RNF220: variants seen among roughly 807,000 people sequenced by gnomAD.
RNF220 encodes E3 ubiquitin-protein ligase RNF220.
Under a neutral mutation model 67.1 loss-of-function variants are expected in RNF220, and 7 were observed. The observed-to-expected ratio is 0.10, with a 90% CI of 0.06 to 0.20. RNF220 has a LOEUF of 0.20. RNF220 is among the 10% of genes least tolerant of loss of function. The probability of loss-of-function intolerance (pLI) is 1.00; values close to 1 mark genes in which losing one functional copy is unlikely to be tolerated. For synonymous variants in RNF220, 270 were observed against 283.2 expected (o/e 0.95, Z 0.47); for missense variants, 565 against 740.3 (o/e 0.76, Z 2.75).
chr1:44,574,553 A>C (rs1339649912), intron 2 of RNF220, among the ~76,000 whole-genome samples: 1 of 152,184 alleles, frequency 6.6e-6, no homozygotes, highest in Non-Finnish European at 1.5e-5. Context: ...CAGACAGTTC[A>C]CCAGCCCCAA....
intron 2 of RNF220, among the ~76,000 whole-genome samples, chr1:44,529,330 G>A (rs1313933746): frequency 6.6e-6 from 1 of 150,968 alleles, no homozygotes; most frequent in East Asian, 1.9e-4. Flanking sequence ...AACTATGCAT[G>A]GGAAAAAAAA....
intron 2 of RNF220, among the ~76,000 whole-genome samples, chr1:44,605,391 C>G (rs1480436381): frequency 6.6e-6 from 1 of 152,010 alleles, no homozygotes; most frequent in Non-Finnish European, 1.5e-5. Flanking sequence ...AGAGAAAAAC[C>G]CCATGGCATC....
intron 2 of RNF220, among the ~76,000 whole-genome samples, chr1:44,513,314 G>A (rs796540422): frequency 6.6e-6 from 1 of 152,210 alleles, no homozygotes; most frequent in South Asian, 2.1e-4. Flanking sequence ...GGGGTCCCGA[G>A]CCTGGCCCAT....
rs919089177 is a variant in RNF220 at position 44,645,759 on chromosome 1, C to A, written c.1445+271C>A. ...CCTGCCCGCCTGCTGCGGCGGCCTT[C>A]GCCCGGGGAATGTGATGTATGGCCG... On this transcript the variant is annotated intron_variant, in intron 12 of 14. Coordinates refer to ENST00000361799, the MANE Select transcript of RNF220 (RefSeq NM_018150.4). This position sits in a 1 kb window ranked among gnomAD's most constrained non-coding sequence, Gnocchi z 5.0. Among the ~76,000 whole-genome samples the A allele has an allele frequency of 6.6e-6, 1 of 152,252 alleles. No homozygotes were observed. The highest frequency in any genetic ancestry group is 2.1e-4 in the South Asian group (1 of 4,828).
At chr1:44,558,285 A>G (rs1663277788) in intron 2 of RNF220, among the ~76,000 whole-genome samples, 1 of 152,232 alleles carries the variant, frequency 6.6e-6, no homozygotes, top group Non-Finnish European at 1.5e-5. Context: ...AATAACATCT[A>G]TGGCCCAGCC....
intron 2 of RNF220, among the ~76,000 whole-genome samples, chr1:44,433,600 G>T (rs945761106): frequency 2.0e-5 from 3 of 152,208 alleles, no homozygotes; most frequent in African/African-American, 7.2e-5. Context: ...GAACTGCAGG[G>T]TGTAATATTT....
In RNF220 at chr1:44,424,237, G is replaced by A. The variant is rs531768829; in HGVS notation, c.625+11515G>A. ...TCAAGAGAGAGAGAGAGTCATCCCT[G>A]AGGCTGGCTTTCCCAGAATGTGATC... On this transcript the variant is annotated intron_variant, in intron 2 of 14. Transcript: ENST00000361799. 1.3e-4 allele frequency among the ~76,000 whole-genome samples: 20 copies of A among 152,340 alleles called. No individual in the cohort carries two copies. In the South Asian group the frequency reaches 4.1e-3, roughly 32 times the overall value.
chr1:44,448,298 A>G (rs1341254357), intron 2 of RNF220, among the ~76,000 whole-genome samples: 1 of 152,230 alleles, frequency 6.6e-6, no homozygotes, highest in Non-Finnish European at 1.5e-5. Flanking sequence ...GTCTCAAAAA[A>G]TAAATAAGTA....
At chr1:44,439,647 A>AT (rs147309938) in intron 2 of RNF220, among the ~76,000 whole-genome samples, 299 of 150,350 alleles carry the variant, frequency 2.0e-3, no homozygotes, top group African/African-American at 7.0e-3. Flanking sequence ...GCATTTTATC[A>AT]TTTTTTTTTC....
intron 12 of RNF220, among the ~76,000 whole-genome samples, chr1:44,646,265 C>T (rs1364026101): frequency 2.0e-5 from 3 of 152,366 alleles, no homozygotes; most frequent in Middle Eastern, 3.4e-3. Context: ...GATTGGAGGC[C>T]GGTGCAGGGC....
At chr1:44,452,139 G>A (rs1049859572) in intron 2 of RNF220, among the ~76,000 whole-genome samples, 1 of 152,200 alleles carries the variant, frequency 6.6e-6, no homozygotes, top group Admixed American at 6.5e-5. Flanking sequence ...TAAAATGCCA[G>A]GCTGTACATG....
At chr1:44,561,779 T>C (rs1025811955) in intron 2 of RNF220, among the ~76,000 whole-genome samples, 2 of 152,100 alleles carry the variant, frequency 1.3e-5, no homozygotes, top group Non-Finnish European at 2.9e-5. Flanking sequence ...TAACTGGGCA[T>C]GGTGGTGCAC....
In RNF220 at chr1:44,538,918, G is replaced by GA. The variant is rs35240810; in HGVS notation, c.626-75227dup. Among the ~76,000 whole-genome samples the GA allele has an allele frequency of 4.6e-3, 361 of 77,810 alleles. 2 individuals are homozygous for GA. Among genetic ancestry groups the GA allele is most frequent in the African/African-American group, 7.9e-3 (156 of 19,820 alleles). The allele number at this position is 77,810 out of a possible 152,430, so 51.0% of individuals were successfully genotyped here. A position where few individuals can be genotyped will look rare whatever the true frequency, so the allele number is the denominator to read the frequency against. On this transcript the variant is annotated intron_variant, in intron 2 of 14. Transcript: ENST00000361799. The stretch of plus-strand genomic sequence containing the variant: ...GCGACAGAGTGAGACTCCATCTAGG[G>GA]AAAAAAAAAAAAAAAAAAAAGGCTG...
At chr1:44,489,181 C>T (rs1163828224) in intron 2 of RNF220, among the ~76,000 whole-genome samples, 1 of 152,156 alleles carries the variant, frequency 6.6e-6, no homozygotes, top group African/African-American at 2.4e-5. Flanking sequence ...AACACATGAA[C>T]ATGGCATGTT....
intron 2 of RNF220, among the ~76,000 whole-genome samples, chr1:44,548,104 C>G (rs1454714999): frequency 2.6e-5 from 4 of 152,184 alleles, no homozygotes; most frequent in African/African-American, 9.7e-5. Flanking sequence ...CTCACATCCC[C>G]CATGTCTCGT....
At chr1:44,460,658 C>T (rs1340002193) in intron 2 of RNF220, among the ~76,000 whole-genome samples, 3 of 152,210 alleles carry the variant, frequency 2.0e-5, no homozygotes, top group Non-Finnish European at 4.4e-5. Context: ...CTTCTTACTT[C>T]AGGATCCTCT....
chr1:44,515,144 C>A (rs1659352393), intron 2 of RNF220, among the ~76,000 whole-genome samples: 1 of 152,202 alleles, frequency 6.6e-6, no homozygotes, highest in African/African-American at 2.4e-5. Flanking sequence ...ACAGTCTATT[C>A]CCTTCCCATT....
Position 44,611,046 on chromosome 1 carries a change from G to A in RNF220, c.626-3119G>A, listed in dbSNP as rs999502384. Among the ~76,000 whole-genome samples the A allele has an allele frequency of 4.6e-5, 7 of 152,296 alleles. No homozygotes were observed. The South Asian group carries it at 6.2e-4, about 14-fold the overall frequency. On this transcript the variant is annotated intron_variant, in intron 2 of 14. Coordinates refer to ENST00000361799, the MANE Select transcript of RNF220 (RefSeq NM_018150.4). Reference sequence around the variant, plus strand: ...TCATTAAACCTGGGCAGGCCATGTCGTTAGTGCAGTAAAACCCACGTCATG... The same window carrying A: ...TCATTAAACCTGGGCAGGCCATGTCATTAGTGCAGTAAAACCCACGTCATG...
In RNF220 at chr1:44,649,807, C is replaced by A; in HGVS notation, c.1554+38C>A. The A allele has an allele frequency of 6.2e-7, 1 of 1,613,210 alleles. No individual in the cohort carries two copies. The highest frequency in any genetic ancestry group is 8.5e-7 in the Non-Finnish European group (1 of 1,179,206). ...GAACCTAGGGGTGCCCTTGGTCAGG[C>A]TTCCACGCCCTCTGGGGGAGTTGGA... On this transcript the variant is annotated intron_variant, in intron 13 of 14. Transcript: ENST00000361799. The surrounding 1 kb of genome is among the most constrained non-coding windows in gnomAD (Gnocchi z 5.9).
Sources: gnomAD v4.1 joint callset for allele counts (sites outside exome capture counted in the v4.1 genomes callset) on GRCh38, gnomAD v4.1.1 for gene constraint, Gnocchi (gnomAD v3.1) non-coding constraint, MANE v1.5 for transcripts, NCBI Gene and HGNC (gene_info 2026-07-23, HGNC 2026-07-21) for gene names.